Variants in RYR3 observed in about 807,000 individuals in gnomAD.
RYR3 encodes brain ryanodine receptor-calcium release channel.
RYR3 carries 207 observed loss-of-function variants against 584.3 expected under a neutral mutation model. The observed-to-expected ratio is 0.35, with a 90% CI of 0.32 to 0.40. The LOEUF is 0.40. Ranked by LOEUF, RYR3 falls within the 10% of genes least tolerant of loss-of-function variation. RYR3 has a pLI of 1.00. For synonymous variants in RYR3, 2,416 were observed against 2,248.5 expected (o/e 1.07, Z -2.11); for missense variants, 5,616 against 6,089.2 (o/e 0.92, Z 2.59).
rs550520021 is a variant in RYR3 at position 33,623,181 on chromosome 15, C to T, written c.2358-626C>T. ...GCAAACTCTTGATGCCTATCTGTGCCCATGCAGCCATGGCTGCCTCCTCAC... is the reference window on the plus strand; with the variant it reads ...GCAAACTCTTGATGCCTATCTGTGCTCATGCAGCCATGGCTGCCTCCTCAC... On this transcript the variant is annotated intron_variant, in intron 19 of 103. Coordinates refer to ENST00000634891, the MANE Select transcript of RYR3 (RefSeq NM_001036.6). Among the ~76,000 whole-genome samples the T allele has an allele frequency of 2.0e-5, 3 of 152,314 alleles. No individual in the cohort carries two copies. In the South Asian group the frequency reaches 6.2e-4, roughly 32 times the overall value.
rs2068043061 is a variant in RYR3 at position 33,722,800 on chromosome 15, G to A, written c.6705G>A (p.Glu2235=). 1.2e-6 allele frequency: 2 copies of A among 1,612,884 alleles called. No homozygotes were observed. The highest frequency in any genetic ancestry group is 1.7e-6 in the Non-Finnish European group (2 of 1,179,402). The part of the protein sequence containing the change: ...PECFGPALRG[E]GGNGLLAAMQ... ...GCTTCGGCCCGGCCCTGCGGGGTGA[G>A]GGGGGAAACGGGCTCTTGGCAGCCA... The change falls in exon 44 of 104, where the codon GAG becomes GAA. Residue 2235 remains glutamate (E), a synonymous_variant. Transcript: ENST00000634891.
At chr15:33,608,654 C>T (rs1180336662) in intron 18 of RYR3, among the ~76,000 whole-genome samples, 2 of 152,162 alleles carry the variant, frequency 1.3e-5, no homozygotes, top group Non-Finnish European at 2.9e-5. Flanking sequence ...CAACAGTTAC[C>T]CTTTCATTTC....
At position 33,646,400 on chromosome 15, in the gene RYR3, C is replaced by A; in HGVS notation, c.3815C>A (p.Thr1272Lys). Residue 1272 changes from threonine (T) to lysine (K), a missense_variant, in exon 29 of 104, where the codon ACG (threonine) becomes AAG (lysine). Thr to Lys is a moderately conservative substitution (Grantham distance 78, BLOSUM62 -1). Around this residue, in one of 9 missense-constraint regions of RYR3, gnomAD observed 753 missense variants for 741.0 expected, o/e 1.02. Coordinates refer to ENST00000634891, the MANE Select transcript of RYR3 (RefSeq NM_001036.6). ...TMDSPPCLKV[T>K]HKTFGTQNSN... ...GACAGCCCTCCGTGTCTCAAGGTGACGCATAAGACATTTGGCACACAGAAT... is the reference window on the plus strand; with the variant it reads ...GACAGCCCTCCGTGTCTCAAGGTGAAGCATAAGACATTTGGCACACAGAAT... The A allele has an allele frequency of 2.5e-6, 4 of 1,613,484 alleles. No homozygotes were observed. Among genetic ancestry groups the A allele is most frequent in the Non-Finnish European group, 3.4e-6 (4 of 1,179,558 alleles).
At chr15:33,552,160 C>G (rs1042246902) in intron 10 of RYR3, among the ~76,000 whole-genome samples, 1 of 152,158 alleles carries the variant, frequency 6.6e-6, no homozygotes, top group African/African-American at 2.4e-5. Context: ...GGCGGCCTTC[C>G]AGGCAGCTGG....
chr15:33,840,070 C>A (rs536342519), intron 89 of RYR3, among the ~76,000 whole-genome samples: 2 of 152,136 alleles, frequency 1.3e-5, no homozygotes, highest in East Asian at 1.9e-4. Context: ...ATTTGTGCTG[C>A]GTGTTAGAAC....
chr15:33,661,303 A>G (rs954646012), intron 34 of RYR3, among the ~76,000 whole-genome samples: 1 of 152,190 alleles, frequency 6.6e-6, no homozygotes, highest in African/African-American at 2.4e-5. Flanking sequence ...CTAAGTCAAG[A>G]AAGAGAGAGC....
chr15:33,642,958 CT>C (rs2061911963), intron 27 of RYR3, among the ~76,000 whole-genome samples: 1 of 152,218 alleles, frequency 6.6e-6, no homozygotes, highest in Admixed American at 6.5e-5. Flanking sequence ...TTTATAGTTT[CT>C]AAAAGCAACC....
chr15:33,701,398 A>G (rs2066291616), intron 42 of RYR3, among the ~76,000 whole-genome samples: 2 of 152,080 alleles, frequency 1.3e-5, no homozygotes, highest in Admixed American at 1.3e-4. Context: ...TAATTTACAG[A>G]TTTATAAATC....
chr15:33,623,767 T>TA, intron 19 of RYR3, 40 bp from the exon 20 acceptor site: 1 of 1,402,100 alleles, frequency 7.1e-7, no homozygotes, highest in East Asian at 2.3e-5. Flanking sequence ...TGCATTGTTT[T>TA]TTTTTTAACC....
At chr15:33,473,624 T>C (rs2049127750) in intron 2 of RYR3, 86 bp downstream of exon 2, 1 of 1,347,954 alleles carries the variant, frequency 7.4e-7, no homozygotes, top group Non-Finnish European at 1.0e-6. Context: ...GAGATGGTGA[T>C]GAGGACGACA....
At chr15:33,769,816 G>T (rs937789204) in intron 62 of RYR3, among the ~76,000 whole-genome samples, 1 of 152,090 alleles carries the variant, frequency 6.6e-6, no homozygotes, top group Non-Finnish European at 1.5e-5. Context: ...AGGCATGGTG[G>T]TGCATGCCTG....
chr15:33,362,083 G>A (rs1463081575), intron 1 of RYR3, among the ~76,000 whole-genome samples: 1 of 152,208 alleles, frequency 6.6e-6, no homozygotes, highest in African/African-American at 2.4e-5. Context: ...AATCCCACAA[G>A]AGGTGAATGC....
At chr15:33,385,301 C>T (rs1262315853) in intron 1 of RYR3, among the ~76,000 whole-genome samples, 4 of 151,770 alleles carry the variant, frequency 2.6e-5, no homozygotes, top group African/African-American at 9.7e-5. Flanking sequence ...CTTTTTTTTT[C>T]CCCTTGTAGA....
chr15:33,611,504 C>T lies in RYR3; in HGVS notation c.2165-1679C>T, dbSNP rs187403389. ...CCAGGAGGTGGAGCTTGCATTGAGCCCAGATTGTGCCACTGCACTCCAGCC... is the reference window on the plus strand; with the variant it reads ...CCAGGAGGTGGAGCTTGCATTGAGCTCAGATTGTGCCACTGCACTCCAGCC... On this transcript the variant is annotated intron_variant, in intron 18 of 103. Transcript: ENST00000634891. 2.1e-3 allele frequency among the ~76,000 whole-genome samples: 317 copies of T among 151,666 alleles called. 4 individuals carry two copies. In the East Asian group the frequency reaches 0.049, roughly 24 times the overall value.
chr15:33,745,596 AG>A, intron 52 of RYR3, among the ~76,000 whole-genome samples: 1 of 152,210 alleles, frequency 6.6e-6, no homozygotes, highest in East Asian at 1.9e-4. Context: ...TAACCCTAAA[AG>A]TTCTTAAACT....
chr15:33,626,606 T>C (rs866107081), intron 20 of RYR3, among the ~76,000 whole-genome samples: 3 of 152,200 alleles, frequency 2.0e-5, no homozygotes, highest in Admixed American at 2.0e-4. Flanking sequence ...ACCTTTGCAG[T>C]AGCCCCTCCC....
At chr15:33,835,316 C>CTTT (rs2077969618) in intron 87 of RYR3, among the ~76,000 whole-genome samples, 1 of 234 alleles carries the variant, frequency 4.3e-3, no homozygotes, top group South Asian at 0.1. Context: ...ACCAACCTAC[C>CTTT]CTTATTATTG....
At chr15:33,628,183 G>A (rs1419837434) in intron 20 of RYR3, among the ~76,000 whole-genome samples, 1 of 152,202 alleles carries the variant, frequency 6.6e-6, no homozygotes. Context: ...GAGAGAACAT[G>A]TAGAGAGGAA....
At chr15:33,582,499 A>G (rs115205547) in intron 14 of RYR3, among the ~76,000 whole-genome samples, 319 of 152,300 alleles carry the variant, frequency 2.1e-3, no homozygotes, top group African/African-American at 7.4e-3. Flanking sequence ...AGTGTTTTGT[A>G]TTGACCCAGT....
Sources: allele counts gnomAD v4.1 joint callset (sites outside exome capture counted in the v4.1 genomes callset), GRCh38; gene constraint gnomAD v4.1.1; regional missense constraint gnomAD v4.1.1; transcripts MANE v1.5; gene names NCBI Gene and HGNC (gene_info 2026-07-23, HGNC 2026-07-21).